Variants in DSTN observed in about 807,000 individuals in gnomAD.
The protein encoded by DSTN is destrin, actin depolymerizing factor, also known as destrin.
DSTN carries 10 observed loss-of-function variants against 16.8 expected under a neutral mutation model. The ratio of observed to expected loss-of-function variants is 0.60; its 90% CI spans 0.37 to 1.01. DSTN has a LOEUF of 1.01. Among genes scored for constraint, DSTN ranks in the 50% least tolerant of loss-of-function variants. DSTN has a pLI of 0.01. For missense variants in DSTN, 141 were observed against 196.7 expected (o/e 0.72, Z 1.69); for synonymous variants, 57 against 58.9 (o/e 0.97, Z 0.14).
chr20:17,593,629 A>T (rs1600708341), intron 1 of DSTN, among the ~76,000 whole-genome samples: 3 of 152,348 alleles, frequency 2.0e-5, no homozygotes, highest in South Asian at 4.1e-4. Context: ...AAAGAACTGT[A>T]GGGAAGTGCT....
intron 1 of DSTN, among the ~76,000 whole-genome samples, chr20:17,570,440 C>A (rs916615191): frequency 6.6e-6 from 1 of 152,214 alleles, no homozygotes; most frequent in African/African-American, 2.4e-5. Flanking sequence ...TTGCGCAGCT[C>A]CCAGCTGGGG....
chr20:17,574,618 C>T (rs937793886), intron 1 of DSTN, among the ~76,000 whole-genome samples: 1 of 149,496 alleles, frequency 6.7e-6, no homozygotes, highest in African/African-American at 2.5e-5. Flanking sequence ...CCCAGCTACT[C>T]AGGAGGCTGA....
rs2035657012 is a variant in DSTN at position 17,607,690 on chromosome 20, A to AAAG, written c.*544_*545insAAG. ...CCTCAAAATTGTGTCCACATAATCC[A>AAAG]CGCTCATCTTGCAAAGCGCTATTTC... On this transcript the variant is annotated 3_prime_UTR_variant, in exon 4 of 4. Coordinates refer to ENST00000246069, the MANE Select transcript of DSTN (RefSeq NM_006870.4). 6.6e-6 allele frequency: 1 copy of AAAG among 152,340 alleles called. No homozygotes were observed. Among genetic ancestry groups the AAAG allele is most frequent in the African/African-American group, 2.4e-5 (1 of 41,472 alleles). 9.4% of individuals were successfully genotyped at this position (152,340 alleles called of 1,614,324 possible). A position where few individuals can be genotyped will look rare whatever the true frequency, so the allele number is the denominator to read the frequency against.
chr20:17,574,459 C>T (rs1443148933), intron 1 of DSTN, among the ~76,000 whole-genome samples: 1 of 152,194 alleles, frequency 6.6e-6, no homozygotes, highest in Non-Finnish European at 1.5e-5. Flanking sequence ...TTACCCCTCT[C>T]TTTCCTGGCA....
At chr20:17,595,565 G>A (rs1395781709) in intron 1 of DSTN, among the ~76,000 whole-genome samples, 2 of 151,904 alleles carry the variant, frequency 1.3e-5, no homozygotes, top group African/African-American at 4.8e-5. Context: ...GTTGCAGTGA[G>A]CCGAGATGGT....
At chr20:17,579,403 A>G (rs1423726200) in intron 1 of DSTN, among the ~76,000 whole-genome samples, 1 of 151,902 alleles carries the variant, frequency 6.6e-6, no homozygotes, top group Non-Finnish European at 1.5e-5. Context: ...GACAAAACCC[A>G]GTCTCTACAT....
chr20:17,581,702 G>C (rs1012546121), intron 1 of DSTN, among the ~76,000 whole-genome samples: 2 of 152,156 alleles, frequency 1.3e-5, no homozygotes, highest in African/African-American at 2.4e-5. Flanking sequence ...CCAGATATTT[G>C]ATGGTGTCAC....
rs114415913 is a variant in DSTN at position 17,601,064 on chromosome 20, T to C, written c.311+19T>C. 3.8e-3 allele frequency: 5,907 copies of C among 1,571,760 alleles called. 190 individuals are homozygous for C. In the African/African-American group the frequency reaches 0.071, roughly 19 times the overall value. ...TTTTGTGGTAAGCATGTTAGAAATA[T>C]TGAGCCTCTGTAAAACTCATTTTGT... On this transcript the variant is annotated intron_variant, in intron 2 of 3. Coordinates refer to ENST00000246069, the MANE Select transcript of DSTN (RefSeq NM_006870.4).
chr20:17,606,740 A>G (rs543830704), intron 3 of DSTN, among the ~76,000 whole-genome samples: 1 of 152,320 alleles, frequency 6.6e-6, no homozygotes, highest in South Asian at 2.1e-4. Flanking sequence ...AGTAGCCAGC[A>G]CCCTGGCTTC....
In DSTN at chr20:17,609,457, T is replaced by C. The variant is rs1600717026; in HGVS notation, c.*2311T>C. 1.3e-5 allele frequency: 2 copies of C among 152,262 alleles called. No homozygotes were observed. The highest frequency in any genetic ancestry group is 3.9e-4 in the East Asian group (2 of 5,178). The allele number at this position is 152,262 out of a possible 1,614,324, so 9.4% of individuals were successfully genotyped here. The stretch of plus-strand genomic sequence containing the variant: ...TCAGCCATGTAGGTAAAGCAAGATA[T>C]TTGGTCAAGGAGTTTTAGAAGGAGA... On this transcript the variant is annotated 3_prime_UTR_variant, in exon 4 of 4. Transcript: ENST00000246069.
intron 1 of DSTN, among the ~76,000 whole-genome samples, chr20:17,586,119 G>A (rs2035405681): frequency 6.6e-6 from 1 of 152,036 alleles, no homozygotes; most frequent in Non-Finnish European, 1.5e-5. Context: ...TTAAGGATGG[G>A]GCAGAATATT....
At position 17,570,357 on chromosome 20, in the gene DSTN, A is replaced by AG. The variant is rs560717363; in HGVS notation, c.3+153dup. On this transcript the variant is annotated intron_variant, in intron 1 of 3. Transcript: ENST00000246069. ...GGCTGCAGTGTCCGGGCTGCGGGTG[A>AG]GGGGGGGTCTCTGGGCCTCCGTCTC... 3.1e-4 allele frequency: 359 copies of AG among 1,172,972 alleles called. 2 individuals carry two copies. In the African/African-American group the frequency reaches 3.5e-3, roughly 12 times the overall value. 72.7% of individuals were successfully genotyped at this position (1,172,972 alleles called of 1,614,324 possible).
At chr20:17,601,275 T>C (rs558036055) in intron 2 of DSTN, among the ~76,000 whole-genome samples, 20 of 151,838 alleles carry the variant, frequency 1.3e-4, no homozygotes, top group East Asian at 3.9e-4. Flanking sequence ...GTTTTTTTTT[T>C]CAATGGGGAA....
chr20:17,601,724 G>A (rs1409077277), intron 2 of DSTN, among the ~76,000 whole-genome samples: 2 of 152,070 alleles, frequency 1.3e-5, no homozygotes, highest in African/African-American at 4.8e-5. Flanking sequence ...AGTGAAACAG[G>A]GCTATAAAGT....
chr20:17,602,757 T>C (rs973838489), intron 2 of DSTN, among the ~76,000 whole-genome samples: 1 of 152,216 alleles, frequency 6.6e-6, no homozygotes, highest in Non-Finnish European at 1.5e-5. Flanking sequence ...CTGGGCGCAG[T>C]GACTCATGCC....
At chr20:17,591,490 T>C (rs2035468642) in intron 1 of DSTN, among the ~76,000 whole-genome samples, 1 of 152,230 alleles carries the variant, frequency 6.6e-6, no homozygotes, top group Admixed American at 6.5e-5. Flanking sequence ...AAAGTACTCT[T>C]ACCACTACTG....
At chr20:17,574,093 A>G (rs2035239118) in intron 1 of DSTN, among the ~76,000 whole-genome samples, 1 of 152,072 alleles carries the variant, frequency 6.6e-6, no homozygotes, top group Non-Finnish European at 1.5e-5. Flanking sequence ...ACTCCTAGCT[A>G]TTTGGGGGAC....
intron 1 of DSTN, among the ~76,000 whole-genome samples, chr20:17,595,841 C>T (rs762123661): frequency 1.3e-5 from 2 of 151,984 alleles, no homozygotes; most frequent in Non-Finnish European, 2.9e-5. Context: ...TGTTTTGGCT[C>T]TTCCTCTTTA....
chr20:17,603,551 A>G (rs901537114), intron 2 of DSTN, among the ~76,000 whole-genome samples: 6 of 152,136 alleles, frequency 3.9e-5, no homozygotes, highest in East Asian at 1.9e-4. Context: ...AGGTGGGCCT[A>G]TGGGTTGGCG....
Sources: gnomAD v4.1 joint callset for allele counts (sites outside exome capture counted in the v4.1 genomes callset) on GRCh38, gnomAD v4.1.1 for gene constraint, MANE v1.5 for transcripts, NCBI Gene and HGNC (gene_info 2026-07-23, HGNC 2026-07-21) for gene names.